KIAA1328: variants seen among roughly 807,000 people sequenced by gnomAD.
KIAA1328 encodes the protein KIAA1328.
KIAA1328 carries 52 observed loss-of-function variants against 68.1 expected under a neutral mutation model. The observed-to-expected ratio is 0.76, with a 90% CI of 0.61 to 0.96. The LOEUF is 0.96. Ranked by LOEUF, KIAA1328 falls within the 40% of genes least tolerant of loss-of-function variation. KIAA1328 has a pLI of 0.00. For synonymous variants in KIAA1328, 232 were observed against 239.4 expected (o/e 0.97, Z 0.28); for missense variants, 641 against 677.6 (o/e 0.95, Z 0.60).
At chr18:36,862,205 G>T (rs996914561) in intron 4 of KIAA1328, among the ~76,000 whole-genome samples, 2 of 152,144 alleles carry the variant, frequency 1.3e-5, no homozygotes, top group African/African-American at 4.8e-5. Flanking sequence ...ATTGTGTACA[G>T]ATTTCGCCAA....
intron 6 of KIAA1328, among the ~76,000 whole-genome samples, chr18:37,000,514 G>T (rs780055312): frequency 3.5e-4 from 53 of 152,108 alleles, no homozygotes; most frequent in Non-Finnish European, 4.7e-4. Context: ...ACCTAACACA[G>T]AACATTCTAT....
At chr18:37,109,353 AG>A (rs1443566304) in intron 7 of KIAA1328, among the ~76,000 whole-genome samples, 2 of 152,224 alleles carry the variant, frequency 1.3e-5, no homozygotes, top group African/African-American at 2.4e-5. Context: ...TGACACTTAA[AG>A]GGGAAAATAA....
intron 5 of KIAA1328, among the ~76,000 whole-genome samples, chr18:36,917,849 T>A (rs1598707152): frequency 6.6e-6 from 1 of 152,210 alleles, no homozygotes; most frequent in African/African-American, 2.4e-5. Context: ...GACTGAGGCC[T>A]ACACTCAGGC....
intron 6 of KIAA1328, among the ~76,000 whole-genome samples, chr18:36,968,921 A>G (rs149265872): frequency 6.5e-4 from 99 of 152,334 alleles, no homozygotes; most frequent in African/African-American, 2.3e-3. Context: ...AAGAACCAAA[A>G]TCATATATTA....
At chr18:37,073,445 AC>A (rs1224421345) in intron 7 of KIAA1328, among the ~76,000 whole-genome samples, 1 of 152,200 alleles carries the variant, frequency 6.6e-6, no homozygotes, top group Non-Finnish European at 1.5e-5. Context: ...GCAAATCAAA[AC>A]CACAATGCGA....
chr18:37,167,568 G>T (rs553497477), intron 8 of KIAA1328, among the ~76,000 whole-genome samples: 7 of 152,110 alleles, frequency 4.6e-5, no homozygotes, highest in African/African-American at 1.7e-4. Context: ...TCGTTCCACC[G>T]GTCAATGGCC....
Position 37,137,426 on chromosome 18 carries a change from C to T in KIAA1328, c.1233-22774C>T, listed in dbSNP as rs182998789. On this transcript the variant is annotated intron_variant, in intron 7 of 9. Coordinates refer to ENST00000280020, the MANE Select transcript of KIAA1328 (RefSeq NM_020776.3). ...CCATGTTTTTCTTTTTTCCATATTT[C>T]TTGAGAGCATAAGCTGTATTTTCTG... Among the ~76,000 whole-genome samples the T allele has an allele frequency of 2.8e-4, 43 of 152,222 alleles. No individual in the cohort carries two copies. In the East Asian group the frequency reaches 6.6e-3, roughly 23 times the overall value.
chr18:36,954,607 G>A (rs1445293617), intron 5 of KIAA1328: 1 of 151,730 alleles, frequency 6.6e-6, no homozygotes, highest in Non-Finnish European at 1.5e-5. Flanking sequence ...ATTACATTGG[G>A]CGTTCTAAAA....
At chr18:36,953,813 A>G (rs1054384263) in intron 5 of KIAA1328, among the ~76,000 whole-genome samples, 11 of 151,746 alleles carry the variant, frequency 7.2e-5, no homozygotes, top group Non-Finnish European at 1.6e-4. Context: ...TGTCTTTTCT[A>G]TTTTTCTCCC....
intron 7 of KIAA1328, chr18:37,074,846 T>G (rs905736740): frequency 1.3e-5 from 2 of 152,386 alleles, no homozygotes; most frequent in South Asian, 2.1e-4. Context: ...GCTGCGTTCC[T>G]TTGGAGGAGG....
chr18:36,864,303 TG>T (rs1306467564), intron 4 of KIAA1328, among the ~76,000 whole-genome samples: 86 of 147,134 alleles, frequency 5.8e-4, no homozygotes, highest in African/African-American at 2.0e-3. Flanking sequence ...TTGTTATAAT[TG>T]TTTTTTTTTT....
At chr18:37,066,530 T>C (rs1275208688) in intron 6 of KIAA1328, among the ~76,000 whole-genome samples, 1 of 152,186 alleles carries the variant, frequency 6.6e-6, no homozygotes, top group Non-Finnish European at 1.5e-5. Flanking sequence ...TGGCTCAGTA[T>C]TCAAAAGTAA....
intron 7 of KIAA1328, chr18:37,084,248 C>T: frequency 6.4e-6 from 9 of 1,399,584 alleles, no homozygotes; most frequent in East Asian, 2.6e-5. Context: ...CCTGAAGTCT[C>T]AGTTAAAACA....
chr18:37,212,834 C>T (rs1360691571), intron 9 of KIAA1328, among the ~76,000 whole-genome samples: 1 of 152,206 alleles, frequency 6.6e-6, no homozygotes, highest in Non-Finnish European at 1.5e-5. Context: ...GATTCTGCTG[C>T]CTCAGCCTCC....
intron 6 of KIAA1328, among the ~76,000 whole-genome samples, chr18:36,970,901 A>G (rs1241310769): frequency 1.3e-5 from 2 of 152,220 alleles, no homozygotes; most frequent in Admixed American, 6.5e-5. Context: ...ACTCAATGCT[A>G]TCCCCATCAA....
intron 7 of KIAA1328, among the ~76,000 whole-genome samples, chr18:37,137,956 A>G (rs903531111): frequency 2.0e-5 from 3 of 152,086 alleles, no homozygotes; most frequent in Admixed American, 1.3e-4. Context: ...ATCCAATCCA[A>G]TTATCTCTAC....
At chr18:37,121,490 C>T (rs1004179263) in intron 7 of KIAA1328, among the ~76,000 whole-genome samples, 3 of 151,922 alleles carry the variant, frequency 2.0e-5, no homozygotes, top group Non-Finnish European at 2.9e-5. Context: ...ATCCATCTAT[C>T]GTTACAAATA....
intron 9 of KIAA1328, among the ~76,000 whole-genome samples, chr18:37,177,386 G>A (rs2059615520): frequency 6.6e-6 from 1 of 152,166 alleles, no homozygotes; most frequent in South Asian, 2.1e-4. Flanking sequence ...ACAGTAGCAG[G>A]ATTAGATTCT....
chr18:37,021,233 AGT>A (rs1385304120), intron 6 of KIAA1328, among the ~76,000 whole-genome samples: 4 of 152,226 alleles, frequency 2.6e-5, no homozygotes, highest in African/African-American at 9.6e-5. Context: ...ATTTTTATCA[AGT>A]TGAATCTCAG....
Sources: gnomAD v4.1 joint callset for allele counts (sites outside exome capture counted in the v4.1 genomes callset) on GRCh38, gnomAD v4.1.1 for gene constraint, MANE v1.5 for transcripts, NCBI Gene and HGNC (gene_info 2026-07-23, HGNC 2026-07-21) for gene names.